Variants in RBKS observed in about 807,000 individuals in gnomAD.
The protein encoded by RBKS is ribokinase.
In RBKS, 33 loss-of-function variants were observed where a neutral mutation model predicts 33.9. The observed-to-expected ratio is 0.97, with a 90% CI of 0.74 to 1.30. The LOEUF is 1.30. Among genes scored for constraint, RBKS ranks in the 50% most tolerant of loss-of-function variants. The pLI, the probability that RBKS is intolerant of heterozygous loss-of-function variation, is 0.00. For synonymous variants in RBKS, 125 were observed against 143.0 expected (o/e 0.87, Z 0.90); for missense variants, 361 against 392.6 (o/e 0.92, Z 0.68).
At chr2:27,808,888 A>C (rs1352773969) in intron 7 of RBKS, among the ~76,000 whole-genome samples, 1 of 152,214 alleles carries the variant, frequency 6.6e-6, no homozygotes, top group African/African-American at 2.4e-5. Context: ...GGTAATCTTC[A>C]GCCATCTCTG....
chr2:27,870,817 G>C, intron 1 of RBKS: 1 of 465,488 alleles, frequency 2.1e-6, no homozygotes, highest in South Asian at 1.5e-5. Flanking sequence ...ATCACGCAAA[G>C]ACTTGAACAG....
intron 7 of RBKS, among the ~76,000 whole-genome samples, chr2:27,796,665 C>A (rs546479137): frequency 6.6e-6 from 1 of 151,502 alleles, no homozygotes; most frequent in Non-Finnish European, 1.5e-5. Context: ...GGAGGGGTGC[C>A]GGTGGGGAGG....
At chr2:27,889,727 G>T (rs567020679) in intron 1 of RBKS, among the ~76,000 whole-genome samples, 2 of 152,164 alleles carry the variant, frequency 1.3e-5, no homozygotes, top group Non-Finnish European at 2.9e-5. Flanking sequence ...CAGTAATGCC[G>T]ACAATCAACA....
intron 7 of RBKS, among the ~76,000 whole-genome samples, chr2:27,788,042 CATG>C (rs1277008290): frequency 2.0e-5 from 3 of 152,130 alleles, no homozygotes; most frequent in Non-Finnish European, 4.4e-5. Context: ...TACATTCATT[CATG>C]ATAAAAGTTC....
intron 1 of RBKS, chr2:27,861,653 CA>C: frequency 2.7e-6 from 1 of 370,374 alleles, no homozygotes; most frequent in South Asian, 2.0e-5. Flanking sequence ...TAGTATGTTC[CA>C]TTTCTTTTTG....
At chr2:27,792,915 C>T (rs1157762190) in intron 7 of RBKS, among the ~76,000 whole-genome samples, 1 of 152,162 alleles carries the variant, frequency 6.6e-6, no homozygotes, top group African/African-American at 2.4e-5. Flanking sequence ...TGTGCTTAAC[C>T]CAACAATTCC....
At chr2:27,796,455 C>A (rs1350629675) in intron 7 of RBKS, among the ~76,000 whole-genome samples, 1 of 152,164 alleles carries the variant, frequency 6.6e-6, no homozygotes, top group African/African-American at 2.4e-5. Context: ...CTACCCTTTG[C>A]CTTCTCACAG....
At chr2:27,849,811 C>T (rs1479487723) in intron 2 of RBKS, among the ~76,000 whole-genome samples, 1 of 152,084 alleles carries the variant, frequency 6.6e-6, no homozygotes, top group African/African-American at 2.4e-5. Context: ...TCAGAACAGG[C>T]ACTCTTCTCT....
intron 1 of RBKS, chr2:27,870,626 A>G: frequency 2.7e-6 from 1 of 367,866 alleles, no homozygotes; most frequent in South Asian, 2.0e-5. Context: ...AATGCTGTTA[A>G]GTTCAGGTGA....
At chr2:27,853,700 A>G (rs1663795615) in intron 2 of RBKS, among the ~76,000 whole-genome samples, 1 of 152,146 alleles carries the variant, frequency 6.6e-6, no homozygotes. Flanking sequence ...TAATGCTGCA[A>G]TCACCATTAT....
At chr2:27,805,557 A>G (rs1433448565) in intron 7 of RBKS, among the ~76,000 whole-genome samples, 4 of 152,064 alleles carry the variant, frequency 2.6e-5, no homozygotes, top group Admixed American at 1.3e-4. Flanking sequence ...GAAAACTGAT[A>G]TATTTTTCTT....
At chr2:27,866,003 T>C (rs1219795274) in intron 1 of RBKS, among the ~76,000 whole-genome samples, 1 of 152,212 alleles carries the variant, frequency 6.6e-6, no homozygotes, top group Non-Finnish European at 1.5e-5. Context: ...CCCATATATT[T>C]ACCATTTCTG....
intron 1 of RBKS, among the ~76,000 whole-genome samples, chr2:27,883,179 T>C (rs755942823): frequency 2.9e-4 from 44 of 151,834 alleles, no homozygotes; most frequent in Non-Finnish European, 1.5e-4. Context: ...GCAGTAACCA[T>C]GTTTTCCTAA....
intron 7 of RBKS, among the ~76,000 whole-genome samples, chr2:27,820,448 AT>A (rs1467308363): frequency 1.3e-5 from 2 of 152,116 alleles, no homozygotes; most frequent in African/African-American, 2.4e-5. Context: ...CACCTTCTCA[AT>A]TTTTGGTTAT....
rs1013836928 is a variant in RBKS at position 27,795,654 on chromosome 2, A to G, written c.796-13866T>C. On this transcript the variant is annotated intron_variant, in intron 7 of 7. Transcript: ENST00000302188. This position sits in a 1 kb window ranked among gnomAD's most constrained non-coding sequence, Gnocchi z 4.1. The stretch of plus-strand genomic sequence containing the variant: ...CATCCAGTCATTTGTCCAGAGTCAC[A>G]GAGCTGGTAAATGGCAGAGCTGCAC... Among the ~76,000 whole-genome samples the G allele has an allele frequency of 3.3e-5, 5 of 152,300 alleles. No homozygotes were observed. The highest frequency in any genetic ancestry group is 3.4e-3 in the Middle Eastern group (1 of 294).
At chr2:27,809,082 A>C (rs1272403079) in intron 7 of RBKS, among the ~76,000 whole-genome samples, 1 of 152,284 alleles carries the variant, frequency 6.6e-6, no homozygotes, top group Admixed American at 6.5e-5. Flanking sequence ...ATGCAGCTCA[A>C]CCATAATGTT....
chr2:27,834,997 T>C (rs540856627), intron 5 of RBKS, among the ~76,000 whole-genome samples: 59 of 152,296 alleles, frequency 3.9e-4, no homozygotes, highest in Middle Eastern at 3.4e-3. Context: ...TGACATAGGC[T>C]GGGCGTGGTG....
chr2:27,857,694 C>T (rs1026453264), intron 2 of RBKS, among the ~76,000 whole-genome samples: 10 of 152,284 alleles, frequency 6.6e-5, no homozygotes, highest in African/African-American at 1.4e-4. Flanking sequence ...CATTGGAGTA[C>T]GCTAATTTCC....
At chr2:27,828,531 G>A (rs1237322218) in intron 6 of RBKS, among the ~76,000 whole-genome samples, 1 of 152,150 alleles carries the variant, frequency 6.6e-6, no homozygotes, top group Non-Finnish European at 1.5e-5. Flanking sequence ...AAGCAGATTA[G>A]GAGAGGTAAT....
Sources: gnomAD v4.1 joint callset for allele counts (sites outside exome capture counted in the v4.1 genomes callset) on GRCh38, gnomAD v4.1.1 for gene constraint, Gnocchi (gnomAD v3.1) non-coding constraint, MANE v1.5 for transcripts, NCBI Gene and HGNC (gene_info 2026-07-23, HGNC 2026-07-21) for gene names.